FRY: variants seen among roughly 807,000 people sequenced by gnomAD.
The protein encoded by FRY is FRY microtubule binding protein.
FRY carries 128 observed loss-of-function variants against 348.4 expected under a neutral mutation model. The ratio of observed to expected loss-of-function variants is 0.37; its 90% CI spans 0.32 to 0.43. FRY has a LOEUF of 0.43. Among genes scored for constraint, FRY ranks in the 20% least tolerant of loss-of-function variants. The pLI is 1.00. For missense variants in FRY, 2,736 were observed against 3,695.2 expected (o/e 0.74, Z 6.73); for synonymous variants, 1,370 against 1,374.7 (o/e 1.00, Z 0.08).
Position 32,140,641 on chromosome 13 carries a change from G to A in FRY, c.1179+3669G>A, listed in dbSNP as rs556063594. Among the ~76,000 whole-genome samples the A allele has an allele frequency of 2.6e-5, 4 of 152,200 alleles. No individual in the cohort carries two copies. The South Asian group carries it at 8.3e-4, about 32-fold the overall frequency. On this transcript the variant is annotated intron_variant, in intron 11 of 60. Coordinates refer to ENST00000542859, the MANE Select transcript of FRY (RefSeq NM_023037.3). ...TAACTACTCTAAAGAAAACCTAATA[G>A]ATATTAGGATTGAGAATGACGCATT...
intron 4 of FRY, 141 bp from the exon 5 acceptor site, chr13:32,124,145 G>A (rs1878876912): frequency 3.1e-6 from 2 of 651,576 alleles, no homozygotes; most frequent in Non-Finnish European, 5.5e-6. Context: ...GCCAACGTTA[G>A]CATGTATCTA....
chr13:32,073,181 T>C (rs1483639049), intron 1 of FRY, among the ~76,000 whole-genome samples: 1 of 152,210 alleles, frequency 6.6e-6, no homozygotes, highest in Non-Finnish European at 1.5e-5. Context: ...TCCTGAGGAA[T>C]GGAGTACTTT....
intron 3 of FRY, among the ~76,000 whole-genome samples, chr13:32,108,668 G>A (rs1249248366): frequency 3.3e-5 from 5 of 152,146 alleles, no homozygotes; most frequent in Admixed American, 2.0e-4. Flanking sequence ...CTTTCATGTG[G>A]GGGAGGGAAG....
chr13:32,191,800 C>T (rs1463709832), intron 28 of FRY, among the ~76,000 whole-genome samples: 2 of 152,126 alleles, frequency 1.3e-5, no homozygotes, highest in Non-Finnish European at 2.9e-5. Context: ...ATTCACAGGG[C>T]TCCCCACCTC....
At chr13:32,153,936 T>G (rs1593674193) in intron 14 of FRY, among the ~76,000 whole-genome samples, 1 of 152,286 alleles carries the variant, frequency 6.6e-6, no homozygotes, top group East Asian at 1.9e-4. Flanking sequence ...AAAACATAAA[T>G]TATTTTTGAA....
intron 28 of FRY, among the ~76,000 whole-genome samples, chr13:32,189,881 A>G (rs1883233198): frequency 1.3e-5 from 2 of 152,068 alleles, no homozygotes; most frequent in South Asian, 4.1e-4. Flanking sequence ...GATTGTCTCT[A>G]ATACATAGAT....
At chr13:32,040,072 C>T (rs1184449391) in intron 1 of FRY, among the ~76,000 whole-genome samples, 3 of 152,106 alleles carry the variant, frequency 2.0e-5, no homozygotes, top group East Asian at 3.8e-4. Context: ...TTAAGAAACA[C>T]GAGGCCAACT....
At chr13:32,157,177 T>C in intron 15 of FRY, 96 bp from the exon 16 acceptor site, 1 of 1,172,124 alleles carries the variant, frequency 8.5e-7, no homozygotes, top group South Asian at 1.2e-5. Flanking sequence ...CATTGACTCA[T>C]AAGGTCTTCA....
At chr13:32,051,403 G>T (rs142325383) in intron 1 of FRY, among the ~76,000 whole-genome samples, 1,646 of 152,248 alleles carry the variant, frequency 0.011, 17 homozygotes, top group Middle Eastern at 0.024. Flanking sequence ...CTACCTACCG[G>T]AATGAAAAAG....
At chr13:32,169,452 T>G (rs1307759108) in intron 17 of FRY, among the ~76,000 whole-genome samples, 5 of 152,228 alleles carry the variant, frequency 3.3e-5, no homozygotes, top group Non-Finnish European at 7.3e-5. Context: ...TGGAATGCAG[T>G]TACAGTTAGT....
intron 34 of FRY, among the ~76,000 whole-genome samples, chr13:32,212,068 G>A (rs1417799229): frequency 2.6e-5 from 4 of 152,210 alleles, no homozygotes; most frequent in Non-Finnish European, 5.9e-5. Flanking sequence ...CTTTACGAGA[G>A]TTAAGGAATT....
At chr13:32,261,856 AT>A in intron 52 of FRY, 40 bp downstream of exon 52, 1 of 1,569,922 alleles carries the variant, frequency 6.4e-7, no homozygotes, top group Non-Finnish European at 8.8e-7. Flanking sequence ...TGGGAGGCTT[AT>A]TTTTTGTAAC....
Position 32,181,001 on chromosome 13 carries a change from C to T in FRY, c.2996+1202C>T, listed in dbSNP as rs562223422. On this transcript the variant is annotated intron_variant, in intron 23 of 60. Coordinates refer to ENST00000542859, the MANE Select transcript of FRY (RefSeq NM_023037.3). ...CGCCTTCCAGGTTCAAGCAATTCTCCTGCCTCAGCCTCCTGAGTAGCTGGG... is the reference window on the plus strand; with the variant it reads ...CGCCTTCCAGGTTCAAGCAATTCTCTTGCCTCAGCCTCCTGAGTAGCTGGG... 4.1e-3 allele frequency among the ~76,000 whole-genome samples: 616 copies of T among 152,096 alleles called. 1 individual carries two copies. Among genetic ancestry groups the T allele is most frequent in the Non-Finnish European group, 7.3e-3 (498 of 67,990 alleles).
At chr13:32,177,336 C>T (rs1882426297) in intron 20 of FRY, among the ~76,000 whole-genome samples, 2 of 152,122 alleles carry the variant, frequency 1.3e-5, no homozygotes, top group African/African-American at 4.8e-5. Flanking sequence ...CGACTATAAT[C>T]CCAGCACTTT....
intron 2 of FRY, chr13:32,085,728 G>C (rs776348031): frequency 5.9e-5 from 22 of 371,688 alleles, no homozygotes; most frequent in Non-Finnish European, 1.1e-4. Flanking sequence ...TCAGAAGTCA[G>C]CCTGGTGCTT....
chr13:32,043,198 C>A (rs1872834307), intron 1 of FRY, among the ~76,000 whole-genome samples: 1 of 152,096 alleles, frequency 6.6e-6, no homozygotes, highest in Non-Finnish European at 1.5e-5. Flanking sequence ...TATTCACTAC[C>A]ACGAGAACAG....
intron 17 of FRY, among the ~76,000 whole-genome samples, chr13:32,164,856 C>A (rs1019915123): frequency 2.6e-5 from 4 of 152,190 alleles, no homozygotes; most frequent in African/African-American, 7.2e-5. Flanking sequence ...GTCATTTGAC[C>A]ACAAGAGGGA....
chr13:32,158,292 A>G (rs1264726513), intron 16 of FRY, among the ~76,000 whole-genome samples: 8 of 152,194 alleles, frequency 5.3e-5, no homozygotes, highest in Admixed American at 6.5e-5. Context: ...TCTTGGATCA[A>G]TGTGATTCCT....
intron 2 of FRY, among the ~76,000 whole-genome samples, chr13:32,081,513 C>T (rs573617303): frequency 3.9e-4 from 59 of 152,158 alleles, no homozygotes; most frequent in Admixed American, 2.0e-3. Context: ...TTAGTAGAGA[C>T]GGAGTTTCAC....
Sources: gnomAD v4.1 joint callset for allele counts (sites outside exome capture counted in the v4.1 genomes callset) on GRCh38, gnomAD v4.1.1 for gene constraint, MANE v1.5 for transcripts, NCBI Gene and HGNC (gene_info 2026-07-23, HGNC 2026-07-21) for gene names.